The following NCKAP5 variants were observed in gnomAD, a reference collection of about 807,000 sequenced individuals.
NCKAP5 encodes nck-associated protein 5.
A neutral mutation model predicts 167.0 loss-of-function variants in NCKAP5; 92 were observed. That is an observed-to-expected ratio of 0.55 (90% CI 0.47 to 0.66). The LOEUF (loss-of-function observed/expected upper bound fraction) is 0.66, where lower values mean the gene tolerates loss of function less well. Among genes scored for constraint, NCKAP5 ranks in the 30% least tolerant of loss-of-function variants. The pLI, the probability that NCKAP5 is intolerant of heterozygous loss-of-function variation, is 0.00. For synonymous variants in NCKAP5, 891 were observed against 877.4 expected (o/e 1.02, Z -0.27); for missense variants, 2,378 against 2,315.0 (o/e 1.03, Z -0.56).
At chr2:133,418,387 A>C (rs1689259127) in intron 3 of NCKAP5, among the ~76,000 whole-genome samples, 1 of 152,202 alleles carries the variant, frequency 6.6e-6, no homozygotes, top group Admixed American at 6.5e-5. Context: ...TTGGAGGAAC[A>C]AATTATAAAA....
intron 16 of NCKAP5, among the ~76,000 whole-genome samples, chr2:132,748,352 T>C: frequency 6.6e-6 from 1 of 152,242 alleles, no homozygotes. Context: ...GGCCTGAATT[T>C]CTGAACCAAT....
At chr2:133,632,715 T>G in the NCKAP5 span, among the ~76,000 whole-genome samples, 5 of 152,186 alleles carry the variant, frequency 3.3e-5, no homozygotes, top group Admixed American at 1.3e-4. Context: ...TCATTTCTGT[T>G]TCTTATTTCT....
chr2:133,631,615 T>A, the NCKAP5 span, among the ~76,000 whole-genome samples: 3 of 152,186 alleles, frequency 2.0e-5, no homozygotes, highest in Non-Finnish European at 4.4e-5. Flanking sequence ...TCACGTGACA[T>A]TGGAGGAGAT....
intron 6 of NCKAP5, chr2:133,123,230 ATAAAG>A (rs2149768669): frequency 6.6e-6 from 1 of 152,478 alleles, no homozygotes; most frequent in African/African-American, 2.4e-5. Flanking sequence ...ATACAAAACA[ATAAAG>A]TAATGTTCAG....
intron 5 of NCKAP5, among the ~76,000 whole-genome samples, chr2:133,151,313 A>G (rs940985772): frequency 6.6e-5 from 10 of 152,126 alleles, no homozygotes; most frequent in African/African-American, 2.4e-4. Flanking sequence ...AAAATGAAAA[A>G]CCTTAAACTT....
At chr2:133,664,832 C>T in the NCKAP5 span, among the ~76,000 whole-genome samples, 2 of 152,276 alleles carry the variant, frequency 1.3e-5, no homozygotes, top group African/African-American at 2.4e-5. Flanking sequence ...ACCTTCACCA[C>T]CTATCTTAGC....
chr2:133,623,187 C>T, the NCKAP5 span, among the ~76,000 whole-genome samples: 1 of 152,126 alleles, frequency 6.6e-6, no homozygotes, highest in Admixed American at 6.5e-5. Context: ...AGACCTGAAA[C>T]CATAAAGACT....
At chr2:133,511,828 G>T (rs1355584617) in intron 3 of NCKAP5, among the ~76,000 whole-genome samples, 1 of 152,186 alleles carries the variant, frequency 6.6e-6, no homozygotes, top group African/African-American at 2.4e-5. Context: ...AAACCATCTT[G>T]ATATCAGAGA....
At chr2:133,437,381 G>C (rs190878569) in intron 3 of NCKAP5, among the ~76,000 whole-genome samples, 26 of 151,688 alleles carry the variant, frequency 1.7e-4, no homozygotes, top group African/African-American at 5.6e-4. Context: ...AAAGAATGAA[G>C]TATTTACCTG....
rs1476556778 is a variant in NCKAP5 at position 132,782,038 on chromosome 2, T to C, written c.4773A>G (p.Pro1591=). ...TCTTCAGTTGGTTGTAAATGTCTTG[T>C]GGTGTTCTCCGATTATTTTTGCTTT... ...GLQSKNNRRT[P]QDIYNQLKIE... The change falls in exon 14 of 20, where the codon CCA becomes CCG. Residue 1591 remains proline (P), a synonymous_variant. Coordinates refer to ENST00000409261, the MANE Select transcript of NCKAP5 (RefSeq NM_207363.3). The C allele has an allele frequency of 4.3e-6, 7 of 1,613,938 alleles. No individual in the cohort carries two copies. Among genetic ancestry groups the C allele is most frequent in the South Asian group, 2.2e-5 (2 of 91,092 alleles).
At chr2:132,894,083 C>T (rs796253581) in intron 8 of NCKAP5, among the ~76,000 whole-genome samples, 10 of 152,090 alleles carry the variant, frequency 6.6e-5, no homozygotes, top group South Asian at 4.2e-4. Flanking sequence ...GGCAAAGGGA[C>T]GGGACCAAAT....
chr2:133,020,945 G>A (rs923925390), intron 6 of NCKAP5, among the ~76,000 whole-genome samples: 38 of 152,150 alleles, frequency 2.5e-4, no homozygotes, highest in African/African-American at 8.0e-4. Flanking sequence ...CCAGGCACCA[G>A]GACGGACAAT....
chr2:133,338,008 C>G (rs567296301), intron 3 of NCKAP5, among the ~76,000 whole-genome samples: 1 of 152,132 alleles, frequency 6.6e-6, no homozygotes, highest in Non-Finnish European at 1.5e-5. Flanking sequence ...CAAGTACAAA[C>G]ATTTGAATCA....
At chr2:133,467,839 G>C (rs1267123754) in intron 3 of NCKAP5, among the ~76,000 whole-genome samples, 7 of 136,264 alleles carry the variant, frequency 5.1e-5, no homozygotes, top group South Asian at 2.4e-4. Flanking sequence ...TTGTATTTCT[G>C]TGGGATTGGT....
intron 11 of NCKAP5, among the ~76,000 whole-genome samples, chr2:132,819,187 T>A (rs1472572388): frequency 6.6e-6 from 1 of 152,238 alleles, no homozygotes; most frequent in African/African-American, 2.4e-5. Context: ...AGCCCTTCTG[T>A]TGTGGCTCTG....
chr2:132,746,199 G>T (rs1679629588), intron 16 of NCKAP5, among the ~76,000 whole-genome samples: 1 of 152,012 alleles, frequency 6.6e-6, no homozygotes, highest in Non-Finnish European at 1.5e-5. Context: ...ATTGGGTAAG[G>T]ATTTGCACAT....
At chr2:133,397,260 A>T (rs1265282808) in intron 3 of NCKAP5, among the ~76,000 whole-genome samples, 1 of 152,220 alleles carries the variant, frequency 6.6e-6, no homozygotes, top group African/African-American at 2.4e-5. Flanking sequence ...AACTCTATAG[A>T]AACCAATCTA....
chr2:133,654,208 C>A, the NCKAP5 span, among the ~76,000 whole-genome samples: 1 of 151,822 alleles, frequency 6.6e-6, no homozygotes, highest in African/African-American at 2.4e-5. Context: ...ATGGTGAAAC[C>A]CCATCTCTAC....
intron 7 of NCKAP5, among the ~76,000 whole-genome samples, chr2:132,993,578 C>A (rs2077506250): frequency 6.6e-6 from 1 of 152,206 alleles, no homozygotes; most frequent in Non-Finnish European, 1.5e-5. Flanking sequence ...CCCCATCCAG[C>A]TCTTCCCTGT....
Sources: gnomAD v4.1 joint callset for allele counts (sites outside exome capture counted in the v4.1 genomes callset) on GRCh38, gnomAD v4.1.1 for gene constraint, MANE v1.5 for transcripts, NCBI Gene and HGNC (gene_info 2026-07-23, HGNC 2026-07-21) for gene names.